Variants in LDLRAD3 observed in about 807,000 individuals in gnomAD.
The protein encoded by LDLRAD3 is low density lipoprotein receptor class A domain containing 3, also known as low-density lipoprotein receptor class A domain-containing protein 3.
A neutral mutation model predicts 29.4 loss-of-function variants in LDLRAD3; 20 were observed. The observed-to-expected ratio is 0.68, with a 90% CI of 0.48 to 0.99. The LOEUF (loss-of-function observed/expected upper bound fraction) is 0.99. LDLRAD3 is among the 50% of genes least tolerant of loss of function. The pLI is 0.00. For missense variants in LDLRAD3, 420 were observed against 454.3 expected (o/e 0.92, Z 0.69); for synonymous variants, 157 against 192.7 (o/e 0.81, Z 1.53).
chr11:36,108,316 T>C (rs1344286456), intron 4 of LDLRAD3, among the ~76,000 whole-genome samples: 1 of 37,800 alleles, frequency 2.6e-5, no homozygotes, highest in Non-Finnish European at 4.3e-5. Flanking sequence ...CGAGACTCCA[T>C]CTCAAAAAAA....
At chr11:36,206,010 T>A (rs1855202474) in intron 4 of LDLRAD3, among the ~76,000 whole-genome samples, 1 of 152,214 alleles carries the variant, frequency 6.6e-6, no homozygotes, top group South Asian at 2.1e-4. Context: ...GCACTTGATG[T>A]ATGAAAATAG....
At chr11:36,225,106 G>A in intron 4 of LDLRAD3, among the ~76,000 whole-genome samples, 1 of 152,160 alleles carries the variant, frequency 6.6e-6, no homozygotes, top group Non-Finnish European at 1.5e-5. Flanking sequence ...GAGGGATGGA[G>A]TAAAGCCCTT....
intron 4 of LDLRAD3, among the ~76,000 whole-genome samples, chr11:36,216,697 AG>A (rs1238745756): frequency 6.6e-6 from 1 of 152,130 alleles, no homozygotes; most frequent in Non-Finnish European, 1.5e-5. Flanking sequence ...ACAAAAAAGG[AG>A]GGGGGAAGGG....
At chr11:36,175,998 C>T (rs570921637) in intron 4 of LDLRAD3, among the ~76,000 whole-genome samples, 1 of 152,276 alleles carries the variant, frequency 6.6e-6, no homozygotes, top group Non-Finnish European at 1.5e-5. Context: ...ATTGTTAGTA[C>T]ATATATATTT....
intron 2 of LDLRAD3, among the ~76,000 whole-genome samples, chr11:36,045,095 T>A (rs764781520): frequency 6.6e-5 from 10 of 152,202 alleles, no homozygotes; most frequent in Non-Finnish European, 1.5e-5. Flanking sequence ...CCAGATGTGC[T>A]CTTTGTGCCT....
chr11:36,030,664 G>A (rs1372629078), intron 1 of LDLRAD3, among the ~76,000 whole-genome samples: 1 of 152,204 alleles, frequency 6.6e-6, no homozygotes, highest in East Asian at 1.9e-4. Flanking sequence ...ATGGGTGTCT[G>A]TCTTGCTTTT....
At chr11:36,062,360 G>A (rs559308928) in intron 2 of LDLRAD3, among the ~76,000 whole-genome samples, 49 of 152,282 alleles carry the variant, frequency 3.2e-4, no homozygotes, top group African/African-American at 9.1e-4. Context: ...TTTGGGGCCA[G>A]GTAAGTCTTT....
At chr11:36,016,263 A>T (rs1852020982) in intron 1 of LDLRAD3, among the ~76,000 whole-genome samples, 2 of 152,216 alleles carry the variant, frequency 1.3e-5, no homozygotes, top group African/African-American at 4.8e-5. Flanking sequence ...GTCATTTTCT[A>T]TGCTAACTCA....
At chr11:36,195,311 C>G (rs1565295099) in intron 4 of LDLRAD3, among the ~76,000 whole-genome samples, 1 of 151,856 alleles carries the variant, frequency 6.6e-6, no homozygotes, top group Non-Finnish European at 1.5e-5. Context: ...AAGCATCGTA[C>G]TATGTTGGCA....
intron 2 of LDLRAD3, among the ~76,000 whole-genome samples, chr11:36,059,727 A>G (rs1367115183): frequency 1.3e-5 from 2 of 152,304 alleles, no homozygotes; most frequent in South Asian, 2.1e-4. Context: ...GTTGCCGACT[A>G]TCACATCTCC....
chr11:36,190,308 A>C (rs947173465), intron 4 of LDLRAD3, among the ~76,000 whole-genome samples: 1 of 152,230 alleles, frequency 6.6e-6, no homozygotes, highest in African/African-American at 2.4e-5. Flanking sequence ...TAGTGTGGGC[A>C]ACATAGTGAG....
chr11:36,215,816 G>A (rs1342187370), intron 4 of LDLRAD3, among the ~76,000 whole-genome samples: 1 of 152,148 alleles, frequency 6.6e-6, no homozygotes, highest in Non-Finnish European at 1.5e-5. Context: ...GCACTCTGAA[G>A]CTCCAAGTGT....
At chr11:36,016,226 G>A (rs1038898136) in intron 1 of LDLRAD3, among the ~76,000 whole-genome samples, 8 of 152,222 alleles carry the variant, frequency 5.3e-5, no homozygotes, top group Non-Finnish European at 1.0e-4. Context: ...TGTTCTAAAA[G>A]GGAATAAAAG....
intron 4 of LDLRAD3, among the ~76,000 whole-genome samples, chr11:36,114,968 T>C (rs1173079258): frequency 6.6e-6 from 1 of 152,200 alleles, no homozygotes; most frequent in Non-Finnish European, 1.5e-5. Flanking sequence ...CAGTAGAGTA[T>C]GGCAGAAATG....
chr11:36,011,411 C>T (rs1365570220), intron 1 of LDLRAD3, among the ~76,000 whole-genome samples: 1 of 151,978 alleles, frequency 6.6e-6, no homozygotes, highest in Non-Finnish European at 1.5e-5. Context: ...GTTCCATGGC[C>T]CCAATCAGTG....
intron 4 of LDLRAD3, among the ~76,000 whole-genome samples, chr11:36,212,179 G>A (rs1020575584): frequency 6.6e-6 from 1 of 152,152 alleles, no homozygotes; most frequent in South Asian, 2.1e-4. Flanking sequence ...TGGATCTGGC[G>A]AAGCCACTCG....
chr11:35,990,261 A>G (rs1257859400), intron 1 of LDLRAD3, among the ~76,000 whole-genome samples: 1 of 152,104 alleles, frequency 6.6e-6, no homozygotes, highest in East Asian at 1.9e-4. Flanking sequence ...ACTCTCTCAC[A>G]GTTGTGGAGA....
At chr11:36,170,592 T>C (rs545212502) in intron 4 of LDLRAD3, among the ~76,000 whole-genome samples, 1 of 152,242 alleles carries the variant, frequency 6.6e-6, no homozygotes, top group South Asian at 2.1e-4. Context: ...TTGTTTTCCA[T>C]AGTGGTTGTA....
intron 4 of LDLRAD3, 45 bp downstream of exon 4, chr11:36,098,506 T>A (rs1853398543): frequency 6.2e-7 from 1 of 1,607,498 alleles, no homozygotes. Context: ...AACACAACAC[T>A]GCAGTAATGG....
Sources: allele counts gnomAD v4.1 joint callset (sites outside exome capture counted in the v4.1 genomes callset), GRCh38; gene constraint gnomAD v4.1.1; transcripts MANE v1.5; gene names NCBI Gene and HGNC (gene_info 2026-07-23, HGNC 2026-07-21).